Variants in ALPK1 observed in about 807,000 individuals in gnomAD.
ALPK1 encodes alpha-protein kinase 1.
In ALPK1, 110 loss-of-function variants were observed where a neutral mutation model predicts 120.6. The observed-to-expected ratio is 0.91, with a 90% confidence interval of 0.78 to 1.07. ALPK1 has a LOEUF of 1.07. ALPK1 is among the 50% of genes least tolerant of loss of function. The pLI is 0.00. For missense variants in ALPK1, 1,498 were observed against 1,483.9 expected, an observed-to-expected ratio of 1.01 and a Z score of -0.16; for synonymous variants, 582 against 560.3, an observed-to-expected ratio of 1.04 and a Z score of -0.55.
At chr4:112,397,621 A>T (rs1020384956) in intron 4 of ALPK1, among the ~76,000 whole-genome samples, 2 of 152,180 alleles carry the variant, frequency 1.3e-5, no homozygotes, top group Non-Finnish European at 2.9e-5. Flanking sequence ...TATTGCTTTG[A>T]TCACAGAACT....
At chr4:112,326,078 A>T (rs1308273561) in intron 2 of ALPK1, among the ~76,000 whole-genome samples, 1 of 152,162 alleles carries the variant, frequency 6.6e-6, no homozygotes. Flanking sequence ...CCTCAAGTTT[A>T]TGGAAACCAT....
intron 1 of ALPK1, among the ~76,000 whole-genome samples, chr4:112,300,327 A>G (rs776465008): frequency 1.1e-4 from 17 of 151,996 alleles, no homozygotes; most frequent in Non-Finnish European, 1.9e-4. Flanking sequence ...CCTTCCTTCT[A>G]TTTCTTTCTA....
chr4:112,428,032 A>G (rs913116603), intron 9 of ALPK1: 24 of 177,316 alleles, frequency 1.4e-4, no homozygotes, highest in Admixed American at 1.2e-3. Flanking sequence ...TGTAATCACC[A>G]TCTGTTCAAA....
At chr4:112,399,761 T>G (rs7693942) in intron 4 of ALPK1, among the ~76,000 whole-genome samples, 15 of 151,976 alleles carry the variant, frequency 9.9e-5, no homozygotes, top group South Asian at 2.1e-4. Context: ...CCTCCACCCC[T>G]CTACAGGCCC....
chr4:112,346,249 A>G (rs1730096376), intron 2 of ALPK1, among the ~76,000 whole-genome samples: 1 of 152,346 alleles, frequency 6.6e-6, no homozygotes, highest in East Asian at 1.9e-4. Context: ...TTATTATATC[A>G]TATATTATCA....
At chr4:112,354,360 A>G (rs1369952236) in intron 2 of ALPK1, among the ~76,000 whole-genome samples, 1 of 152,258 alleles carries the variant, frequency 6.6e-6, no homozygotes, top group Admixed American at 6.5e-5. Flanking sequence ...TTGATTTAAA[A>G]TAAATAACCA....
intron 2 of ALPK1, among the ~76,000 whole-genome samples, chr4:112,369,931 G>T (rs1454349351): frequency 1.3e-5 from 2 of 152,002 alleles, no homozygotes; most frequent in African/African-American, 4.8e-5. Context: ...AAAGATCATC[G>T]CTCATATTTC....
At chr4:112,393,756 C>T (rs1732527884) in intron 4 of ALPK1, among the ~76,000 whole-genome samples, 1 of 152,198 alleles carries the variant, frequency 6.6e-6, no homozygotes, top group East Asian at 1.9e-4. Context: ...AACTAAGTGA[C>T]TCAAGTACTG....
chr4:112,309,203 A>C lies in ALPK1; in HGVS notation c.-152-6598A>C, dbSNP rs555103550. Among the ~76,000 whole-genome samples, 13 of 152,220 alleles carry C rather than the reference A, an allele frequency of 8.5e-5. No homozygotes were observed. In the East Asian group the frequency reaches 2.3e-3, roughly 27 times the overall value. On this transcript the variant is annotated intron_variant, in intron 1 of 15. Coordinates refer to ENST00000650871, the MANE Select transcript of ALPK1 (RefSeq NM_025144.4). ...TAGGCTACTTGGGGGTCAGGGACCC[A>C]CTTGAGGAGGCAGTCTGTCTGTTCT...
chr4:112,333,857 A>G (rs1729497151), intron 2 of ALPK1, among the ~76,000 whole-genome samples: 1 of 152,018 alleles, frequency 6.6e-6, no homozygotes, highest in South Asian at 2.1e-4. Flanking sequence ...AGCCTCTCTA[A>G]GAGAAGCACG....
chr4:112,424,650 GC>G (rs1262490083), intron 6 of ALPK1, among the ~76,000 whole-genome samples: 1 of 152,126 alleles, frequency 6.6e-6, no homozygotes, highest in Non-Finnish European at 1.5e-5. Context: ...GTCTCAAACT[GC>G]CTGAAACTTG....
chr4:112,338,446 A>G (rs1322435848), intron 2 of ALPK1, among the ~76,000 whole-genome samples: 2 of 152,214 alleles, frequency 1.3e-5, no homozygotes, highest in Non-Finnish European at 2.9e-5. Flanking sequence ...GAAAAAATGT[A>G]TATAAGGGAT....
chr4:112,354,287 G>T (rs191237533), intron 2 of ALPK1, among the ~76,000 whole-genome samples: 1 of 151,212 alleles, frequency 6.6e-6, no homozygotes, highest in Non-Finnish European at 1.5e-5. Context: ...GGTATTCTCC[G>T]TTAGATATTC....
intron 1 of ALPK1, among the ~76,000 whole-genome samples, chr4:112,314,911 C>A (rs1023421458): frequency 2.3e-5 from 3 of 128,848 alleles, no homozygotes; most frequent in African/African-American, 8.6e-5. Flanking sequence ...GAGACAGTCT[C>A]ACTCTGTTGC....
chr4:112,340,761 A>G (rs966393853), intron 2 of ALPK1, among the ~76,000 whole-genome samples: 2 of 152,244 alleles, frequency 1.3e-5, no homozygotes, highest in Non-Finnish European at 2.9e-5. Flanking sequence ...TGCTTTTACT[A>G]CTTCATAGGA....
chr4:112,363,750 G>A (rs900277076), intron 2 of ALPK1, among the ~76,000 whole-genome samples: 2 of 152,144 alleles, frequency 1.3e-5, no homozygotes, highest in Non-Finnish European at 2.9e-5. Flanking sequence ...AACAACCACA[G>A]AATATACATT....
rs1332674350 is a variant in ALPK1, at chr4:112,440,961, C to T, written c.3583C>T (p.Pro1195Ser). 1 of 1,613,758 alleles carries T rather than the reference C, an allele frequency of 6.2e-7. No individual in the cohort carries two copies. The highest frequency in any genetic ancestry group is 8.5e-7 in the Non-Finnish European group (1 of 1,179,848). The part of the protein sequence containing the change: ...NGKGLIYLTD[P>S]QIHSVDQKVF... ...AAAAGGACTCATCTACCTCACAGATCCCCAGATTCACTCCGTTGATCAGAA... is the reference window on the plus strand; with the variant it reads ...AAAAGGACTCATCTACCTCACAGATTCCCAGATTCACTCCGTTGATCAGAA... The change falls in exon 15 of 16, where the codon CCC becomes TCC. Residue 1195 changes from proline to serine, a missense_variant. Pro to Ser is a moderately conservative substitution (Grantham distance 74). Coordinates refer to ENST00000650871, the MANE Select transcript of ALPK1 (RefSeq NM_025144.4).
At chr4:112,339,233 T>C (rs939926170) in intron 2 of ALPK1, among the ~76,000 whole-genome samples, 3 of 152,188 alleles carry the variant, frequency 2.0e-5, no homozygotes, top group South Asian at 2.1e-4. Context: ...CTGAGTTTCC[T>C]GGGAGTAAAA....
chr4:112,307,513 G>T (rs1446728854), intron 1 of ALPK1, among the ~76,000 whole-genome samples: 1 of 151,222 alleles, frequency 6.6e-6, no homozygotes, highest in South Asian at 2.1e-4. Flanking sequence ...TAATGGCCTT[G>T]TCTCTTTTGA....
Sources: gnomAD v4.1 joint callset for allele counts (sites outside exome capture counted in the v4.1 genomes callset) on GRCh38, gnomAD v4.1.1 for gene constraint, MANE v1.5 for transcripts, NCBI Gene and HGNC (gene_info 2026-07-23, HGNC 2026-07-21) for gene names.